Variants in RSPH14 observed in about 807,000 individuals in gnomAD.
RSPH14 encodes rhabdoid tumor deletion region gene 1.
A neutral mutation model predicts 26.7 loss-of-function variants in RSPH14; 20 were observed. The observed-to-expected ratio is 0.75, with a 90% confidence interval of 0.53 to 1.09. The LOEUF (loss-of-function observed/expected upper bound fraction) is 1.09, where lower values mean the gene tolerates loss of function less well. Among genes scored for constraint, RSPH14 ranks in the 50% least tolerant of loss-of-function variants. RSPH14 has a pLI of 0.00. For missense variants in RSPH14, 449 were observed against 457.2 expected (o/e 0.98, Z 0.16); for synonymous variants, 177 against 189.3 (o/e 0.93, Z 0.53).
chr22:23,160,819 G>T, the RSPH14 span: 1 of 1,574,996 alleles, frequency 6.3e-7, no homozygotes, highest in South Asian at 1.2e-5. Flanking sequence ...TTCACACCCA[G>T]ATGCATTAAG....
chr22:23,101,653 T>C (rs2069306079), intron 4 of RSPH14, among the ~76,000 whole-genome samples: 1 of 152,246 alleles, frequency 6.6e-6, no homozygotes, highest in South Asian at 2.1e-4. Context: ...AAGCAGTTCC[T>C]TCTGATCTTG....
At chr22:23,084,017 G>C (rs1466211535) in intron 4 of RSPH14, among the ~76,000 whole-genome samples, 4 of 152,126 alleles carry the variant, frequency 2.6e-5, no homozygotes, top group Non-Finnish European at 5.9e-5. Flanking sequence ...CAGGAACCTT[G>C]CTTCTTGTGG....
At chr22:23,138,108 T>TA (rs2070514638) in intron 3 of RSPH14, among the ~76,000 whole-genome samples, 1 of 152,250 alleles carries the variant, frequency 6.6e-6, no homozygotes, top group South Asian at 2.1e-4. Context: ...CCAGACCAGA[T>TA]ACTCACTTTG....
intron 4 of RSPH14, among the ~76,000 whole-genome samples, chr22:23,090,946 G>A (rs2068954246): frequency 6.6e-6 from 1 of 152,208 alleles, no homozygotes; most frequent in Non-Finnish European, 1.5e-5. Flanking sequence ...GCAAGTAAGT[G>A]TGGGATGCTG....
At chr22:23,108,855 T>C (rs1178651957) in intron 4 of RSPH14, among the ~76,000 whole-genome samples, 1 of 152,230 alleles carries the variant, frequency 6.6e-6, no homozygotes, top group Non-Finnish European at 1.5e-5. Context: ...ATTTGGGGAC[T>C]CAGTACTCTG....
chr22:23,137,636 A>C (rs1358121672), intron 3 of RSPH14, among the ~76,000 whole-genome samples: 1 of 152,036 alleles, frequency 6.6e-6, no homozygotes, highest in Non-Finnish European at 1.5e-5. Context: ...GTTTACACCA[A>C]ACAACCCCCA....
chr22:23,172,809 G>A, the RSPH14 span, among the ~76,000 whole-genome samples: 16 of 151,594 alleles, frequency 1.1e-4, no homozygotes, highest in African/African-American at 3.1e-4. Context: ...AATTAGCCGG[G>A]TGTGGTGGCA....
upstream of RSPH14, among the ~76,000 whole-genome samples, chr22:23,144,784 T>C (rs1402653113): frequency 2.0e-5 from 3 of 151,986 alleles, no homozygotes; most frequent in Non-Finnish European, 4.4e-5. Context: ...AAGGCTTCCA[T>C]ATTGTGATGC....
At chr22:23,153,195 T>G in the RSPH14 span, 95 of 1,265,566 alleles carry the variant, frequency 7.5e-5, no homozygotes, top group Admixed American at 1.6e-3. Context: ...GAGAAAGGAT[T>G]TGGGGAGCTC....
At chr22:23,161,804 A>G in the RSPH14 span, 2 of 535,994 alleles carry the variant, frequency 3.7e-6, no homozygotes, top group African/African-American at 1.9e-5. Flanking sequence ...CCACCGGGCC[A>G]GTGCAGGCAC....
chr22:23,146,925 A>C (rs1880275685), upstream of RSPH14, among the ~76,000 whole-genome samples: 2 of 152,200 alleles, frequency 1.3e-5, no homozygotes, highest in Non-Finnish European at 2.9e-5. Flanking sequence ...GCAGCCAGAC[A>C]GTCCTTGATG....
chr22:23,175,646 T>C, the RSPH14 span, among the ~76,000 whole-genome samples: 1 of 152,228 alleles, frequency 6.6e-6, no homozygotes, highest in Non-Finnish European at 1.5e-5. Context: ...TAGAAAAGCA[T>C]GATGATTTAG....
At chr22:23,111,844 C>G (rs560384276) in intron 4 of RSPH14, among the ~76,000 whole-genome samples, 1 of 152,208 alleles carries the variant, frequency 6.6e-6, no homozygotes, top group Admixed American at 6.5e-5. Flanking sequence ...GTCCTCAGAT[C>G]CCGGTGGCAG....
intron 4 of RSPH14, among the ~76,000 whole-genome samples, chr22:23,114,694 C>CTG (rs1165287913): frequency 3.3e-5 from 5 of 152,168 alleles, no homozygotes; most frequent in East Asian, 1.9e-4. Context: ...CTTACATATT[C>CTG]TGTGTGTGTG....
chr22:23,062,935 A>G (rs2068124536), intron 5 of RSPH14, among the ~76,000 whole-genome samples: 2 of 152,352 alleles, frequency 1.3e-5, no homozygotes, highest in South Asian at 4.1e-4. Flanking sequence ...CCCCCGCTGC[A>G]AACCCTGGGT....
chr22:23,107,264 C>A (rs1037094471), intron 4 of RSPH14, among the ~76,000 whole-genome samples: 1 of 152,162 alleles, frequency 6.6e-6, no homozygotes, highest in African/African-American at 2.4e-5. Context: ...CCTGCCCTGG[C>A]CCCCATCCCA....
intron 4 of RSPH14, among the ~76,000 whole-genome samples, chr22:23,109,012 T>C (rs1241214625): frequency 6.6e-6 from 1 of 152,196 alleles, no homozygotes; most frequent in African/African-American, 2.4e-5. Flanking sequence ...CAGGGGAGGC[T>C]GGGCCTGAAG....
chr22:23,063,362 C>T (rs759758440), intron 5 of RSPH14, among the ~76,000 whole-genome samples: 18 of 152,168 alleles, frequency 1.2e-4, no homozygotes, highest in South Asian at 2.1e-4. Flanking sequence ...AGCCTGTCCT[C>T]GTGAAAAGGG....
chr22:23,176,287 G>A, the RSPH14 span, among the ~76,000 whole-genome samples: 2 of 152,334 alleles, frequency 1.3e-5, no homozygotes, highest in African/African-American at 4.8e-5. Flanking sequence ...GGCAGGGCTT[G>A]CATGTCTGCT....
Sources: allele counts gnomAD v4.1 joint callset (sites outside exome capture counted in the v4.1 genomes callset), GRCh38; gene constraint gnomAD v4.1.1; transcripts MANE v1.5; gene names NCBI Gene and HGNC (gene_info 2026-07-23, HGNC 2026-07-21).